AKAP9: variants seen among roughly 807,000 people sequenced by gnomAD.
AKAP9 encodes the protein A-kinase anchor protein 9.
AKAP9 carries 311 observed loss-of-function variants against 488.5 expected under a neutral mutation model. That is an observed-to-expected ratio of 0.64 (90% CI 0.58 to 0.70). The LOEUF (loss-of-function observed/expected upper bound fraction) is 0.70, where lower values mean the gene tolerates loss of function less well. Ranked by LOEUF, AKAP9 falls within the 30% of genes least tolerant of loss-of-function variation. The pLI is 0.00. For missense variants in AKAP9, 4,215 were observed against 4,374.5 expected, an observed-to-expected ratio of 0.96 and a Z score of 1.03; for synonymous variants, 1,462 against 1,483.5, an observed-to-expected ratio of 0.99 and a Z score of 0.33.
intron 41 of AKAP9, 104 bp downstream of exon 41, chr7:92,097,461 A>G: frequency 6.6e-7 from 1 of 1,516,768 alleles, no homozygotes; most frequent in South Asian, 1.2e-5. Flanking sequence ...CTATATGTAA[A>G]TCACTTAAAA....
At chr7:92,015,419 C>T (rs1036690965) in intron 10 of AKAP9, among the ~76,000 whole-genome samples, 1 of 148,098 alleles carries the variant, frequency 6.8e-6, no homozygotes, top group African/African-American at 2.5e-5. Flanking sequence ...GGCTGGAGTG[C>T]AGTGGCACAA....
chr7:92,007,282 T>C lies in AKAP9; in HGVS notation c.3318+4047T>C, dbSNP rs1054106995. ...AAATTAAGCATGAGAACTGAAATTC[T>C]TTTTTTTTTTTTTTTTTTTTTTTTT... On this transcript the variant is annotated intron_variant, in intron 8 of 49. Transcript: ENST00000356239. Among the ~76,000 whole-genome samples, 57 of 7,612 alleles carry C rather than the reference T, an allele frequency of 7.5e-3. 2 individuals carry two copies. The East Asian group carries it at 0.16, about 21-fold the overall frequency. 5.0% of individuals were successfully genotyped at this position (7,612 alleles called of 152,430 possible). A position where few individuals can be genotyped will look rare whatever the true frequency, so the allele number is the denominator to read the frequency against.
intron 1 of AKAP9, among the ~76,000 whole-genome samples, chr7:91,972,008 A>G (rs1178701603): frequency 2.1e-5 from 2 of 93,810 alleles, no homozygotes; most frequent in East Asian, 3.0e-4. Flanking sequence ...TTTTTGCACT[A>G]TGTCACTGCC....
chr7:91,991,605 G>T (rs1797764364), intron 3 of AKAP9, among the ~76,000 whole-genome samples: 1 of 151,824 alleles, frequency 6.6e-6, no homozygotes, highest in Non-Finnish European at 1.5e-5. Context: ...CCAAGTAGCT[G>T]GGACTACAGG....
intron 1 of AKAP9, among the ~76,000 whole-genome samples, chr7:91,968,036 C>G (rs1178443781): frequency 6.6e-6 from 1 of 152,118 alleles, no homozygotes; most frequent in Non-Finnish European, 1.5e-5. Flanking sequence ...CTCCTGGGCT[C>G]AAGCCGTCTT....
rs772589772 is a variant in AKAP9, at chr7:91,941,049, T to A, written c.-51T>A. On this transcript the variant is annotated 5_prime_UTR_variant, in exon 1 of 50. Transcript: ENST00000356239. ...CGTCCAAATCGACCTTTCCTTTCTA[T>A]CCCCAACCACCCCTCAACCCCTGTT... 1 of 1,570,302 alleles carries A rather than the reference T, an allele frequency of 6.4e-7. No homozygotes were observed. The highest frequency in any genetic ancestry group is 8.8e-7 in the Non-Finnish European group (1 of 1,140,282).
At chr7:92,042,926 T>G in intron 20 of AKAP9, 155 bp downstream of exon 20, 1 of 511,344 alleles carries the variant, frequency 2.0e-6, no homozygotes, top group African/African-American at 1.9e-5. Context: ...ATGTGTAGTA[T>G]GTAAAGGATT....
At chr7:92,058,737 C>A (rs528259386) in intron 22 of AKAP9, among the ~76,000 whole-genome samples, 1 of 151,910 alleles carries the variant, frequency 6.6e-6, no homozygotes, top group Non-Finnish European at 1.5e-5. Flanking sequence ...TTGAGAGACT[C>A]GGTATTATGA....
chr7:91,999,330 A>G (rs2130657755), intron 7 of AKAP9, among the ~76,000 whole-genome samples: 1 of 152,114 alleles, frequency 6.6e-6, no homozygotes, highest in East Asian at 1.9e-4. Context: ...GGTTCATGTG[A>G]TTCTCCTGCC....
chr7:92,002,239 A>T lies in AKAP9; in HGVS notation c.2322A>T (p.Glu774Asp). The change falls in exon 8 of 50, where the codon GAA (glutamate) becomes GAT (aspartate). Residue 774 changes from glutamate (E) to aspartate (D), a missense_variant. Transcript: ENST00000356239. The part of the protein sequence containing the change: ...NDLQEKFAQL[E>D]AENSILKDEK... The stretch of plus-strand genomic sequence containing the variant: ...TTCAAGAAAAATTTGCACAACTTGA[A>T]GCAGAGAATAGCATTCTTAAAGATG... 1 of 1,596,410 alleles carries T rather than the reference A, an allele frequency of 6.3e-7. No homozygotes were observed.
At chr7:92,076,749 T>G in intron 28 of AKAP9, 106 bp from the exon 29 acceptor site, 1 of 646,464 alleles carries the variant, frequency 1.5e-6, no homozygotes, top group South Asian at 2.4e-5. Context: ...TTATGACTCA[T>G]GTTTTAAGCA....
At chr7:92,058,250 G>A (rs771507271) in intron 22 of AKAP9, 1 of 588,990 alleles carries the variant, frequency 1.7e-6, no homozygotes. Flanking sequence ...CATTTATGAG[G>A]TTGAATCTCG....
intron 1 of AKAP9, among the ~76,000 whole-genome samples, chr7:91,942,332 T>G (rs1790870034): frequency 6.6e-6 from 1 of 152,228 alleles, no homozygotes; most frequent in African/African-American, 2.4e-5. Context: ...ACTAGCTTCA[T>G]ATTTCTAAAA....
chr7:91,975,435 T>G (rs1413883358), intron 2 of AKAP9, among the ~76,000 whole-genome samples: 2 of 152,212 alleles, frequency 1.3e-5, no homozygotes, highest in Non-Finnish European at 2.9e-5. Flanking sequence ...ACAACTAAAT[T>G]TGTATATTGA....
At chr7:92,026,752 A>T (rs1803227597) in intron 14 of AKAP9, among the ~76,000 whole-genome samples, 2 of 150,402 alleles carry the variant, frequency 1.3e-5, no homozygotes, top group African/African-American at 4.9e-5. Flanking sequence ...CCCGGCCACC[A>T]CCCCGTCTAG....
chr7:92,068,470 T>A (rs1284123974), intron 26 of AKAP9, among the ~76,000 whole-genome samples: 1 of 152,130 alleles, frequency 6.6e-6, no homozygotes, highest in Non-Finnish European at 1.5e-5. Flanking sequence ...TCGTTTGTTG[T>A]ACTTCAAAGA....
chr7:91,956,081 T>G (rs1460389534), intron 1 of AKAP9, among the ~76,000 whole-genome samples: 2 of 152,046 alleles, frequency 1.3e-5, no homozygotes, highest in African/African-American at 4.8e-5. Context: ...TAACTTTAAT[T>G]CAGTAATAAG....
chr7:91,962,867 A>G (rs1489055484), intron 1 of AKAP9, among the ~76,000 whole-genome samples: 1 of 152,030 alleles, frequency 6.6e-6, no homozygotes, highest in Non-Finnish European at 1.5e-5. Flanking sequence ...AGTTTTTCTC[A>G]TTTATTATGT....
At chr7:92,078,867 A>G (rs1020389916) in intron 30 of AKAP9, among the ~76,000 whole-genome samples, 1 of 152,164 alleles carries the variant, frequency 6.6e-6, no homozygotes, top group Admixed American at 6.5e-5. Context: ...CTAAAAGCTT[A>G]TATTACTTTA....
Sources: allele counts gnomAD v4.1 joint callset (sites outside exome capture counted in the v4.1 genomes callset), GRCh38; gene constraint gnomAD v4.1.1; transcripts MANE v1.5; gene names NCBI Gene and HGNC (gene_info 2026-07-23, HGNC 2026-07-21).